The following HOMER2 variants were observed in gnomAD, a reference collection of about 807,000 sequenced individuals.
The protein encoded by HOMER2 is homer protein homolog 2.
In HOMER2, 27 loss-of-function variants were observed where a neutral mutation model predicts 47.0. The ratio of observed to expected loss-of-function variants is 0.57; its 90% CI spans 0.42 to 0.79. The LOEUF is 0.79. Among genes scored for constraint, HOMER2 ranks in the 30% least tolerant of loss-of-function variants. The pLI, the probability that HOMER2 is intolerant of heterozygous loss-of-function variation, is 0.00. For synonymous variants in HOMER2, 161 were observed against 163.8 expected, an observed-to-expected ratio of 0.98 and a Z score of 0.13; for missense variants, 443 against 435.0, an observed-to-expected ratio of 1.02 and a Z score of -0.16.
At chr15:82,952,296 G>C (rs758116011) in intron 1 of HOMER2, among the ~76,000 whole-genome samples, 83 of 152,336 alleles carry the variant, frequency 5.4e-4, no homozygotes, top group Non-Finnish European at 1.0e-3. Flanking sequence ...GTATGGGAGG[G>C]GAAGGGCCAC....
intron 2 of HOMER2, among the ~76,000 whole-genome samples, chr15:82,890,365 A>T (rs1008552316): frequency 1.3e-5 from 2 of 151,878 alleles, no homozygotes; most frequent in East Asian, 3.9e-4. Context: ...AACAACAAAA[A>T]CCAGGTGGCT....
intron 1 of HOMER2, among the ~76,000 whole-genome samples, chr15:82,932,611 G>A (rs1324711046): frequency 3.3e-5 from 5 of 151,878 alleles, no homozygotes; most frequent in Admixed American, 1.3e-4. Context: ...AGTAATTGAG[G>A]CCCCAAGACA....
intron 1 of HOMER2, among the ~76,000 whole-genome samples, chr15:82,922,031 T>A (rs1454576653): frequency 6.6e-6 from 1 of 152,232 alleles, no homozygotes; most frequent in African/African-American, 2.4e-5. Flanking sequence ...CATTTTTCAG[T>A]TATAACTTGC....
intron 1 of HOMER2, among the ~76,000 whole-genome samples, chr15:82,966,767 A>G (rs1351350600): frequency 6.6e-6 from 1 of 152,198 alleles, no homozygotes; most frequent in African/African-American, 2.4e-5. Flanking sequence ...CAGTGAGCAA[A>G]GTTGTTTCTC....
intron 5 of HOMER2, among the ~76,000 whole-genome samples, chr15:82,855,809 G>T (rs981353897): frequency 6.6e-6 from 1 of 152,224 alleles, no homozygotes; most frequent in African/African-American, 2.4e-5. Flanking sequence ...CATGCTTGGT[G>T]AGGAGGACGT....
intron 1 of HOMER2, among the ~76,000 whole-genome samples, chr15:82,910,321 G>T (rs1057451075): frequency 6.6e-6 from 1 of 152,074 alleles, no homozygotes; most frequent in Non-Finnish European, 1.5e-5. Context: ...AACCATATAG[G>T]CTTGAAGAAG....
intron 1 of HOMER2, among the ~76,000 whole-genome samples, chr15:82,949,846 G>A (rs1215321206): frequency 2.0e-5 from 3 of 152,200 alleles, no homozygotes; most frequent in African/African-American, 7.2e-5. Context: ...ATGTGCTGGT[G>A]GCTGCCACGC....
intron 4 of HOMER2, 46 bp downstream of exon 4, chr15:82,864,121 C>CT (rs767710532): frequency 1.6e-6 from 2 of 1,275,454 alleles, no homozygotes; most frequent in South Asian, 2.6e-5. Context: ...CAAAGAGTCC[C>CT]TATCACCAAC....
intron 3 of HOMER2, among the ~76,000 whole-genome samples, chr15:82,865,453 T>G (rs1446936722): frequency 6.6e-6 from 1 of 152,162 alleles, no homozygotes; most frequent in East Asian, 1.9e-4. Context: ...AGTTTTAGGC[T>G]TGCACAGCCC....
intron 1 of HOMER2, among the ~76,000 whole-genome samples, chr15:82,918,883 C>CT: frequency 6.6e-6 from 1 of 152,208 alleles, no homozygotes; most frequent in East Asian, 1.9e-4. Flanking sequence ...GGGCACAACT[C>CT]TGAGTGTCAA....
downstream of HOMER2, chr15:82,846,848 C>T (rs1247283894): frequency 6.6e-6 from 1 of 152,262 alleles, no homozygotes; most frequent in South Asian, 2.1e-4. Flanking sequence ...ACTAGGAAGG[C>T]TTCCTCGCCA....
rs1448696962 is a variant in HOMER2 at position 82,840,116 on chromosome 15, G to A, written c.*7158C>T. The A allele has an allele frequency of 4.6e-5, 7 of 152,120 alleles. No individual in the cohort carries two copies. The East Asian group carries it at 1.4e-3, about 29-fold the overall frequency. The allele number at this position is 152,120 out of a possible 1,614,324, so 9.4% of individuals were successfully genotyped here. On this transcript the variant is annotated 3_prime_UTR_variant, in exon 2 of 2. Coordinates refer to the HOMER2 transcript ENST00000558090. ...CACTAAATATAAATTTAAGAGATAT[G>A]GATAAAGATGTATTTAGAGGAAAAG...
chr15:82,890,487 A>G (rs2052669940), intron 2 of HOMER2, among the ~76,000 whole-genome samples: 1 of 151,678 alleles, frequency 6.6e-6, no homozygotes, highest in Non-Finnish European at 1.5e-5. Flanking sequence ...TAGCTTGATG[A>G]CTCTCCCACA....
intron 1 of HOMER2, among the ~76,000 whole-genome samples, chr15:82,960,144 G>A (rs2054618568): frequency 6.6e-6 from 1 of 152,156 alleles, no homozygotes; most frequent in Non-Finnish European, 1.5e-5. Context: ...AAATGATGGA[G>A]TCATATATAG....
intron 2 of HOMER2, among the ~76,000 whole-genome samples, chr15:82,882,309 G>A (rs531708851): frequency 3.3e-5 from 5 of 152,324 alleles, no homozygotes; most frequent in African/African-American, 9.6e-5. Context: ...GGCCAGGCCT[G>A]ACCTCATCAT....
intron 1 of HOMER2, chr15:82,952,199 C>T: frequency 3.3e-6 from 1 of 303,274 alleles, no homozygotes; most frequent in Non-Finnish European, 4.8e-6. Flanking sequence ...GAGTTGACTG[C>T]GCCCAGGGGC....
At chr15:82,908,878 A>G (rs377434755) in intron 1 of HOMER2, among the ~76,000 whole-genome samples, 17 of 152,066 alleles carry the variant, frequency 1.1e-4, no homozygotes, top group East Asian at 5.8e-4. Flanking sequence ...ACCAACTGGA[A>G]GAGATGTTGG....
chr15:82,904,695 A>C (rs2053236918), intron 1 of HOMER2, among the ~76,000 whole-genome samples: 1 of 152,144 alleles, frequency 6.6e-6, no homozygotes, highest in Non-Finnish European at 1.5e-5. Context: ...AGAGAAAATA[A>C]TTGAGAAGCA....
intron 1 of HOMER2, among the ~76,000 whole-genome samples, chr15:82,945,786 A>T (rs377329933): frequency 2.9e-4 from 44 of 152,156 alleles, no homozygotes; most frequent in East Asian, 5.8e-4. Flanking sequence ...CTGGCTAACA[A>T]GGTGAAATCC....
Sources: gnomAD v4.1 joint callset for allele counts (sites outside exome capture counted in the v4.1 genomes callset) on GRCh38, gnomAD v4.1.1 for gene constraint, MANE v1.5 for transcripts, NCBI Gene and HGNC (gene_info 2026-07-23, HGNC 2026-07-21) for gene names.